CDH18: variants seen among roughly 807,000 people sequenced by gnomAD.
CDH18 encodes the protein cadherin 18.
CDH18 carries 31 observed loss-of-function variants against 67.9 expected under a neutral mutation model. That is an observed-to-expected ratio of 0.46 (90% CI 0.34 to 0.62). The LOEUF is 0.62. CDH18 is among the 20% of genes least tolerant of loss of function. CDH18 has a pLI of 0.01. For synonymous variants in CDH18, 362 were observed against 347.2 expected (o/e 1.04, Z -0.48); for missense variants, 890 against 975.5 (o/e 0.91, Z 1.17).
At chr5:20,025,771 T>C (rs1378744234) in intron 2 of CDH18, among the ~76,000 whole-genome samples, 3 of 152,234 alleles carry the variant, frequency 2.0e-5, no homozygotes, top group Non-Finnish European at 4.4e-5. Context: ...CAGGTGTTCC[T>C]CATTGTTAGT....
chr5:19,897,481 T>C lies in CDH18; in HGVS notation c.-256-58239A>G, dbSNP rs1789471606. Reference sequence around the variant, plus strand: ...AATTTTCTTACATTGCCCACACATTTAAGTTGGTGTATGCAATATGAAAAA... The same window carrying C: ...AATTTTCTTACATTGCCCACACATTCAAGTTGGTGTATGCAATATGAAAAA... On this transcript the variant is annotated intron_variant, in intron 2 of 12. Coordinates refer to ENST00000382275, the MANE Select transcript of CDH18 (RefSeq NM_004934.5). 2.6e-5 allele frequency among the ~76,000 whole-genome samples: 4 copies of C among 152,144 alleles called. No homozygotes were observed. In the South Asian group the frequency reaches 8.3e-4, roughly 31 times the overall value.
chr5:19,806,682 A>C (rs1322110220), intron 3 of CDH18, among the ~76,000 whole-genome samples: 1 of 152,270 alleles, frequency 6.6e-6, no homozygotes, highest in African/African-American at 2.4e-5. Context: ...TTGTCACTTC[A>C]ATCATTATGT....
At chr5:20,316,465 A>C (rs1580735204) in intron 1 of CDH18, among the ~76,000 whole-genome samples, 1 of 152,108 alleles carries the variant, frequency 6.6e-6, no homozygotes, top group African/African-American at 2.4e-5. Flanking sequence ...TAAAAATATA[A>C]ATTCTACATT....
chr5:20,006,124 G>A (rs1030815341), intron 2 of CDH18, among the ~76,000 whole-genome samples: 2 of 151,878 alleles, frequency 1.3e-5, no homozygotes, highest in Admixed American at 6.6e-5. Flanking sequence ...TAAGTATATA[G>A]ATTTCATTAT....
chr5:19,969,515 T>C (rs1431146980), intron 2 of CDH18, among the ~76,000 whole-genome samples: 5 of 149,694 alleles, frequency 3.3e-5, no homozygotes, highest in Admixed American at 2.7e-4. Context: ...TATGCAGCCA[T>C]AAAAAATGAT....
At chr5:19,742,737 C>T (rs1440278565) in intron 4 of CDH18, among the ~76,000 whole-genome samples, 2 of 135,412 alleles carry the variant, frequency 1.5e-5, no homozygotes. Context: ...TGCATTTACT[C>T]TCTCTCTCTC....
At chr5:20,083,981 C>T (rs1744716340) in intron 2 of CDH18, among the ~76,000 whole-genome samples, 1 of 152,094 alleles carries the variant, frequency 6.6e-6, no homozygotes, top group African/African-American at 2.4e-5. Context: ...CCTGGTCCCT[C>T]CCATATCTCA....
intron 11 of CDH18, among the ~76,000 whole-genome samples, chr5:19,487,316 C>T (rs1740567684): frequency 6.6e-6 from 1 of 152,108 alleles, no homozygotes; most frequent in African/African-American, 2.4e-5. Context: ...AATCTGAGAG[C>T]ATTCAATAAA....
chr5:20,336,231 A>C (rs1233019528), intron 1 of CDH18, among the ~76,000 whole-genome samples: 1 of 152,086 alleles, frequency 6.6e-6, no homozygotes, highest in Non-Finnish European at 1.5e-5. Flanking sequence ...TAGTGTGGTC[A>C]TCTCCCCTTT....
At chr5:20,036,753 T>C (rs919399998) in intron 2 of CDH18, among the ~76,000 whole-genome samples, 3 of 152,088 alleles carry the variant, frequency 2.0e-5, no homozygotes, top group Non-Finnish European at 4.4e-5. Context: ...TGTCTAAGTC[T>C]CTTTGTAGGT....
At chr5:20,467,793 A>T (rs949773295) in intron 1 of CDH18, among the ~76,000 whole-genome samples, 1 of 152,180 alleles carries the variant, frequency 6.6e-6, no homozygotes, top group African/African-American at 2.4e-5. Context: ...TATAGTTAGT[A>T]CCATTTACTG....
chr5:20,424,564 C>T (rs953069561), intron 1 of CDH18, among the ~76,000 whole-genome samples: 2 of 149,400 alleles, frequency 1.3e-5, no homozygotes, highest in African/African-American at 2.5e-5. Context: ...CCAGCCTGGC[C>T]AACACAGCAA....
intron 2 of CDH18, among the ~76,000 whole-genome samples, chr5:20,204,763 C>T (rs144139593): frequency 8.6e-4 from 131 of 151,874 alleles, no homozygotes; most frequent in East Asian, 4.8e-3. Flanking sequence ...TATGGGGGAG[C>T]TGAAGTGTAA....
intron 1 of CDH18, among the ~76,000 whole-genome samples, chr5:20,354,495 A>G (rs1248365674): frequency 1.3e-5 from 2 of 152,134 alleles, no homozygotes; most frequent in Non-Finnish European, 2.9e-5. Flanking sequence ...ACTCACTGCA[A>G]CTTCCACCTT....
At chr5:20,566,130 C>G (rs1271256552) in intron 1 of CDH18, among the ~76,000 whole-genome samples, 1 of 152,022 alleles carries the variant, frequency 6.6e-6, no homozygotes, top group East Asian at 1.9e-4. Context: ...ATACTAAGGG[C>G]ATGACTAAAT....
At chr5:20,134,296 T>C (rs1749517696) in intron 2 of CDH18, among the ~76,000 whole-genome samples, 1 of 152,170 alleles carries the variant, frequency 6.6e-6, no homozygotes. Flanking sequence ...ATATCGTTTT[T>C]ATTTGACCTT....
chr5:19,597,397 GATAAGCT>G (rs371415826), intron 6 of CDH18, among the ~76,000 whole-genome samples: 53 of 152,334 alleles, frequency 3.5e-4, no homozygotes, highest in African/African-American at 1.3e-3. Context: ...CACAGGCATA[GATAAGCT>G]ATACACACTT....
chr5:20,520,455 C>T (rs1326959316), intron 1 of CDH18, among the ~76,000 whole-genome samples: 1 of 151,822 alleles, frequency 6.6e-6, no homozygotes. Flanking sequence ...TAAGTTTGTA[C>T]CACACACTTA....
chr5:19,608,839 T>C (rs959673439), intron 6 of CDH18, among the ~76,000 whole-genome samples: 9 of 151,902 alleles, frequency 5.9e-5, no homozygotes, highest in Admixed American at 3.9e-4. Flanking sequence ...GATCAAGCCC[T>C]AAAGGTTGAT....
Sources: allele counts gnomAD v4.1 joint callset (sites outside exome capture counted in the v4.1 genomes callset), GRCh38; gene constraint gnomAD v4.1.1; transcripts MANE v1.5; gene names NCBI Gene and HGNC (gene_info 2026-07-23, HGNC 2026-07-21).